Variants in FBXL7 observed in about 807,000 individuals in gnomAD.
FBXL7 encodes the protein F-box and leucine rich repeat protein 7.
In FBXL7, 12 loss-of-function variants were observed where a neutral mutation model predicts 38.3. The ratio of observed to expected loss-of-function variants is 0.31; its 90% CI spans 0.20 to 0.51. The LOEUF (loss-of-function observed/expected upper bound fraction) is 0.51, where lower values mean the gene tolerates loss of function less well. Among genes scored for constraint, FBXL7 ranks in the 20% least tolerant of loss-of-function variants. FBXL7 has a pLI of 0.98. For synonymous variants in FBXL7, 297 were observed against 300.9 expected (o/e 0.99, Z 0.13); for missense variants, 567 against 676.4 (o/e 0.84, Z 1.79).
At chr5:15,579,364 G>A (rs997441892) in intron 1 of FBXL7, among the ~76,000 whole-genome samples, 1 of 152,154 alleles carries the variant, frequency 6.6e-6, no homozygotes, top group Non-Finnish European at 1.5e-5. Flanking sequence ...GACCTGGGAC[G>A]CCAGATGCTG....
intron 2 of FBXL7, among the ~76,000 whole-genome samples, chr5:15,870,525 CAGTT>C (rs1290163991): frequency 6.6e-6 from 1 of 151,972 alleles, no homozygotes; most frequent in African/African-American, 2.4e-5. Flanking sequence ...TTTGGAGTGT[CAGTT>C]AGGGTAGAGG....
intron 2 of FBXL7, among the ~76,000 whole-genome samples, chr5:15,686,952 A>G (rs1743033912): frequency 6.6e-6 from 1 of 152,246 alleles, no homozygotes; most frequent in Non-Finnish European, 1.5e-5. Flanking sequence ...TATCTGGGCC[A>G]GAGAAATTCT....
chr5:15,741,581 G>C (rs1267373684), intron 2 of FBXL7, among the ~76,000 whole-genome samples: 1 of 152,084 alleles, frequency 6.6e-6, no homozygotes, highest in Non-Finnish European at 1.5e-5. Flanking sequence ...CCCCAAAAAT[G>C]CTGCTCTTGG....
At chr5:15,678,982 T>C (rs150576120) in intron 2 of FBXL7, among the ~76,000 whole-genome samples, 1 of 152,326 alleles carries the variant, frequency 6.6e-6, no homozygotes, top group Non-Finnish European at 1.5e-5. Context: ...GGGCTTTGAT[T>C]TCTAGTCTTC....
At chr5:15,603,358 G>C (rs1217302581) in intron 1 of FBXL7, among the ~76,000 whole-genome samples, 1 of 152,146 alleles carries the variant, frequency 6.6e-6, no homozygotes, top group Non-Finnish European at 1.5e-5. Context: ...CAATTTACTT[G>C]CAATTTACTT....
At chr5:15,672,557 CTTTT>C (rs35987843) in intron 2 of FBXL7, among the ~76,000 whole-genome samples, 10 of 135,144 alleles carry the variant, frequency 7.4e-5, no homozygotes, top group East Asian at 2.2e-4. Context: ...TAATCTTTTT[CTTTT>C]TTTTTTTTTT....
intron 2 of FBXL7, among the ~76,000 whole-genome samples, chr5:15,739,054 T>C (rs577750311): frequency 1.3e-5 from 2 of 152,294 alleles, no homozygotes; most frequent in East Asian, 3.9e-4. Flanking sequence ...TTGAGCGAAG[T>C]GATCATTATG....
At chr5:15,675,962 T>C (rs976030517) in intron 2 of FBXL7, among the ~76,000 whole-genome samples, 2 of 152,184 alleles carry the variant, frequency 1.3e-5, no homozygotes, top group African/African-American at 4.8e-5. Flanking sequence ...ACAGGGTCAT[T>C]GTAGGTAGAG....
chr5:15,773,992 ATT>A (rs1009821575), intron 2 of FBXL7, among the ~76,000 whole-genome samples: 2 of 151,802 alleles, frequency 1.3e-5, no homozygotes, highest in Non-Finnish European at 2.9e-5. Flanking sequence ...ATTTTATTAC[ATT>A]TTTTATTACT....
At chr5:15,726,888 GC>G (rs374399666) in intron 2 of FBXL7, among the ~76,000 whole-genome samples, 1 of 151,806 alleles carries the variant, frequency 6.6e-6, no homozygotes, top group East Asian at 1.9e-4. Flanking sequence ...ATGCCATATA[GC>G]TTTTTTTTTG....
intron 2 of FBXL7, among the ~76,000 whole-genome samples, chr5:15,639,156 C>T (rs1230563090): frequency 6.6e-6 from 1 of 152,130 alleles, no homozygotes; most frequent in East Asian, 1.9e-4. Context: ...TCTTAGGTTC[C>T]CAAATTGCAT....
chr5:15,619,048 C>G (rs775546656), intron 2 of FBXL7, among the ~76,000 whole-genome samples: 1 of 152,166 alleles, frequency 6.6e-6, no homozygotes, highest in Non-Finnish European at 1.5e-5. Flanking sequence ...ATAAGCTCAC[C>G]TCTTTCCCAT....
intron 2 of FBXL7, among the ~76,000 whole-genome samples, chr5:15,919,617 T>G (rs1741688164): frequency 6.6e-6 from 1 of 152,214 alleles, no homozygotes; most frequent in African/African-American, 2.4e-5. Context: ...ATGATTATAT[T>G]AACATAAAAA....
At chr5:15,720,923 A>C (rs1008084916) in intron 2 of FBXL7, among the ~76,000 whole-genome samples, 7 of 152,142 alleles carry the variant, frequency 4.6e-5, no homozygotes, top group African/African-American at 1.7e-4. Flanking sequence ...AATATGTTTG[A>C]AAGTGATAAT....
In FBXL7 at chr5:15,879,837, T is replaced by C. The variant is rs529482950; in HGVS notation, c.128-48053T>C. Among the ~76,000 whole-genome samples the C allele has an allele frequency of 1.2e-4, 19 of 152,212 alleles. No individual in the cohort carries two copies. In the South Asian group the frequency reaches 2.9e-3, roughly 23 times the overall value. On this transcript the variant is annotated intron_variant, in intron 2 of 3. Transcript: ENST00000504595. The stretch of plus-strand genomic sequence containing the variant: ...CAAAGCATTCTAAACATCTATAGGA[T>C]CCCCAGCTGTGATGAGATGCCAAAT...
At chr5:15,844,078 G>A (rs1023284760) in intron 2 of FBXL7, among the ~76,000 whole-genome samples, 5 of 151,866 alleles carry the variant, frequency 3.3e-5, no homozygotes, top group South Asian at 4.2e-4. Flanking sequence ...GCCTGAAGAC[G>A]CTACTCCCAA....
chr5:15,580,495 G>T, intron 1 of FBXL7: 1 of 360,824 alleles, frequency 2.8e-6, no homozygotes, highest in Non-Finnish European at 3.9e-6. Context: ...GCCATACACT[G>T]GTTTATAATT....
chr5:15,749,978 C>T (rs906010374), intron 2 of FBXL7, among the ~76,000 whole-genome samples: 2 of 152,220 alleles, frequency 1.3e-5, no homozygotes, highest in African/African-American at 4.8e-5. Context: ...CCTTACACTG[C>T]CCTCTGGGCC....
chr5:15,594,132 G>T (rs1739552364), intron 1 of FBXL7, among the ~76,000 whole-genome samples: 1 of 152,140 alleles, frequency 6.6e-6, no homozygotes, highest in Admixed American at 6.5e-5. Context: ...TTATTTGAGT[G>T]ATTAATTGGG....
Sources: allele counts gnomAD v4.1 joint callset (sites outside exome capture counted in the v4.1 genomes callset), GRCh38; gene constraint gnomAD v4.1.1; transcripts MANE v1.5; gene names NCBI Gene and HGNC (gene_info 2026-07-23, HGNC 2026-07-21).